DLGAP2: variants seen among roughly 807,000 people sequenced by gnomAD.
The protein encoded by DLGAP2 is DLG associated protein 2.
Under a neutral mutation model 100.3 loss-of-function variants are expected in DLGAP2, and 26 were observed. The ratio of observed to expected loss-of-function variants is 0.26; its 90% CI spans 0.19 to 0.36. DLGAP2 has a LOEUF of 0.36. DLGAP2 is among the 10% of genes least tolerant of loss of function. The probability of loss-of-function intolerance (pLI) is 1.00; values close to 1 mark genes in which losing one functional copy is unlikely to be tolerated. For synonymous variants in DLGAP2, 886 were observed against 630.1 expected (o/e 1.41, Z -6.08); for missense variants, 1,858 against 1,453.2 (o/e 1.28, Z -4.53).
At chr8:1,344,607 G>A (rs867531261) in intron 3 of DLGAP2, among the ~76,000 whole-genome samples, 2 of 152,278 alleles carry the variant, frequency 1.3e-5, no homozygotes, top group East Asian at 1.9e-4. Context: ...ATGTACCTCT[G>A]TGTTCAGGAA....
rs1799852251 is a variant in DLGAP2 at position 1,283,119 on chromosome 8, C to A, written c.106+24236C>A. On this transcript the variant is annotated intron_variant, in intron 3 of 14. Coordinates refer to ENST00000637795, the MANE Select transcript of DLGAP2 (RefSeq NM_001346810.2). ...ACCTGAACCCAGCGCCCTGAACCAT[C>A]CGGACATGGTGTGACCTGAACCCAG... 2.1e-5 allele frequency among the ~76,000 whole-genome samples: 3 copies of A among 145,564 alleles called. No individual in the cohort carries two copies. The South Asian group carries it at 6.8e-4, about 33-fold the overall frequency.
At position 1,707,128 on chromosome 8, in the gene DLGAP2, C is replaced by T. The variant is rs536203072; in HGVS notation, c.*5722C>T. 1 of 152,722 alleles carries T rather than the reference C, an allele frequency of 6.5e-6. No individual in the cohort carries two copies. Among genetic ancestry groups the T allele is most frequent in the Non-Finnish European group, 1.5e-5 (1 of 68,034 alleles). The allele number at this position is 152,722 out of a possible 1,614,324, so 9.5% of individuals were successfully genotyped here. ...CACACACAAGTTGACAGAGGTTTAC[C>T]TCCCTACTTTCTTAGATTTTATGTA... On this transcript the variant is annotated 3_prime_UTR_variant, in exon 15 of 15. Coordinates refer to ENST00000637795, the MANE Select transcript of DLGAP2 (RefSeq NM_001346810.2).
rs191250749 is a variant in DLGAP2, at chr8:1,121,795, G to A, written c.74-137056G>A. Among the ~76,000 whole-genome samples the A allele has an allele frequency of 1.6e-4, 25 of 151,952 alleles. No homozygotes were observed. In the South Asian group the frequency reaches 3.6e-3, roughly 22 times the overall value. On this transcript the variant is annotated intron_variant, in intron 2 of 14. Transcript: ENST00000637795. The stretch of plus-strand genomic sequence containing the variant: ...ACCCATCCTTGTCTCCTTAGAACCC[G>A]TGGCCTCTCATCCTCATTCCTTTAG...
intron 4 of DLGAP2, among the ~76,000 whole-genome samples, chr8:1,512,304 C>T (rs1800194133): frequency 6.6e-6 from 1 of 152,238 alleles, no homozygotes; most frequent in Non-Finnish European, 1.5e-5. Flanking sequence ...TGTTATTACA[C>T]TTACCTTGAC....
In DLGAP2 at chr8:832,402, G is replaced by A. The variant is rs113565632; in HGVS notation, c.19-75510G>A. On this transcript the variant is annotated intron_variant, in intron 1 of 14. Coordinates refer to ENST00000637795, the MANE Select transcript of DLGAP2 (RefSeq NM_001346810.2). Reference sequence around the variant, plus strand: ...AATTAATTTTTATATAAGGTGTAAGGAAGTGATCCAGTTTCCAGCTGTGAC... The same window carrying A: ...AATTAATTTTTATATAAGGTGTAAGAAAGTGATCCAGTTTCCAGCTGTGAC... 6.1e-3 allele frequency among the ~76,000 whole-genome samples: 929 copies of A among 152,286 alleles called. 8 individuals carry two copies. Among genetic ancestry groups the A allele is most frequent in the African/African-American group, 0.021 (884 of 41,560 alleles).
chr8:824,665 C>G (rs1183775829), intron 1 of DLGAP2, among the ~76,000 whole-genome samples: 2 of 152,016 alleles, frequency 1.3e-5, no homozygotes, highest in East Asian at 1.9e-4. Context: ...TTTGGGTTCA[C>G]TGGGGTCACT....
At chr8:1,036,435 A>C (rs1332511207) in intron 2 of DLGAP2, among the ~76,000 whole-genome samples, 1 of 152,214 alleles carries the variant, frequency 6.6e-6, no homozygotes, top group African/African-American at 2.4e-5. Context: ...GCTTTTGTCC[A>C]GGGGACCCTA....
intron 3 of DLGAP2, among the ~76,000 whole-genome samples, chr8:1,440,305 T>G (rs1391163766): frequency 6.6e-6 from 1 of 152,246 alleles, no homozygotes; most frequent in Non-Finnish European, 1.5e-5. Flanking sequence ...GTTTATTGAA[T>G]TTAACATTAA....
chr8:1,055,779 G>A (rs1427936959), intron 2 of DLGAP2, among the ~76,000 whole-genome samples: 1 of 152,210 alleles, frequency 6.6e-6, no homozygotes, highest in Non-Finnish European at 1.5e-5. Context: ...TCATTCCACT[G>A]AGGAGGCCTC....
chr8:1,513,702 A>C (rs1219536091), intron 4 of DLGAP2, among the ~76,000 whole-genome samples: 2 of 152,214 alleles, frequency 1.3e-5, no homozygotes, highest in African/African-American at 4.8e-5. Context: ...AATCATATGC[A>C]ATTCCCTAAA....
chr8:1,421,406 T>A (rs192849759), intron 3 of DLGAP2, among the ~76,000 whole-genome samples: 2 of 152,132 alleles, frequency 1.3e-5, no homozygotes, highest in Non-Finnish European at 2.9e-5. Context: ...TCTGAGGCTC[T>A]CAGAATAATA....
chr8:1,584,276 C>CAGAGA (rs1314176915), intron 6 of DLGAP2, among the ~76,000 whole-genome samples: 1 of 152,162 alleles, frequency 6.6e-6, no homozygotes, highest in Non-Finnish European at 1.5e-5. Context: ...AGAGCCTAAA[C>CAGAGA]ATAAAGATAA....
At chr8:1,186,019 A>G (rs1797496229) in intron 2 of DLGAP2, among the ~76,000 whole-genome samples, 1 of 152,134 alleles carries the variant, frequency 6.6e-6, no homozygotes, top group South Asian at 2.1e-4. Flanking sequence ...CCCTGTGTTC[A>G]TGAGTGAGTC....
At chr8:1,116,946 G>A (rs1805136770) in intron 2 of DLGAP2, among the ~76,000 whole-genome samples, 1 of 152,206 alleles carries the variant, frequency 6.6e-6, no homozygotes, top group South Asian at 2.1e-4. Context: ...AACAGCTACT[G>A]GCTTCCTCTG....
chr8:1,373,067 C>T (rs1181912321), intron 3 of DLGAP2, among the ~76,000 whole-genome samples: 1 of 152,172 alleles, frequency 6.6e-6, no homozygotes, highest in South Asian at 2.1e-4. Flanking sequence ...TTCTGGAGTG[C>T]GGAGGCTTCG....
intron 3 of DLGAP2, among the ~76,000 whole-genome samples, chr8:1,463,563 C>T (rs1798521337): frequency 6.6e-6 from 1 of 152,216 alleles, no homozygotes; most frequent in South Asian, 2.1e-4. Context: ...CCGAGCTGGT[C>T]CGGCCTCGCG....
chr8:1,060,856 G>A (rs1803059913), intron 2 of DLGAP2, among the ~76,000 whole-genome samples: 1 of 152,246 alleles, frequency 6.6e-6, no homozygotes, highest in African/African-American at 2.4e-5. Context: ...CTGGGATGCT[G>A]TTGAGGAAGA....
At chr8:853,860 T>G (rs2128988207) in intron 1 of DLGAP2, among the ~76,000 whole-genome samples, 1 of 152,230 alleles carries the variant, frequency 6.6e-6, no homozygotes, top group Admixed American at 6.5e-5. Flanking sequence ...TCCCCCAGAT[T>G]CATACCCTAA....
At chr8:902,194 G>C (rs993780131) in intron 1 of DLGAP2, among the ~76,000 whole-genome samples, 1 of 152,160 alleles carries the variant, frequency 6.6e-6, no homozygotes, top group Non-Finnish European at 1.5e-5. Flanking sequence ...TCCCCTCCTC[G>C]GGCGCCCAGC....
Sources: allele counts gnomAD v4.1 joint callset (sites outside exome capture counted in the v4.1 genomes callset), GRCh38; gene constraint gnomAD v4.1.1; transcripts MANE v1.5; gene names NCBI Gene and HGNC (gene_info 2026-07-23, HGNC 2026-07-21).